The following KIF6 variants were observed in gnomAD, a reference collection of about 807,000 sequenced individuals.
KIF6 encodes the protein kinesin family member 6, also known as kinesin-like protein KIF6.
A neutral mutation model predicts 112.7 loss-of-function variants in KIF6; 106 were observed. The ratio of observed to expected loss-of-function variants is 0.94; its 90% CI spans 0.80 to 1.11. KIF6 has a LOEUF of 1.11. KIF6 is among the 50% of genes least tolerant of loss of function. The probability of loss-of-function intolerance (pLI) is 0.00; values close to 1 mark genes in which losing one functional copy is unlikely to be tolerated. For synonymous variants in KIF6, 339 were observed against 339.9 expected (o/e 1.00, Z 0.03); for missense variants, 929 against 964.0 (o/e 0.96, Z 0.48).
intron 21 of KIF6, among the ~76,000 whole-genome samples, chr6:39,344,600 C>G (rs1763567812): frequency 6.6e-6 from 1 of 152,164 alleles, no homozygotes; most frequent in African/African-American, 2.4e-5. Context: ...CACATGGCGG[C>G]TGTGCTTTCT....
At chr6:39,420,959 T>C (rs554033555) in intron 14 of KIF6, among the ~76,000 whole-genome samples, 2 of 152,178 alleles carry the variant, frequency 1.3e-5, no homozygotes, top group Non-Finnish European at 2.9e-5. Flanking sequence ...ATGAGCCAAC[T>C]TTGCGCTAGA....
At chr6:39,503,959 C>T (rs1776287995) in intron 13 of KIF6, among the ~76,000 whole-genome samples, 2 of 152,036 alleles carry the variant, frequency 1.3e-5, no homozygotes, top group Admixed American at 1.3e-4. Flanking sequence ...CCCACTGAAA[C>T]TATTCCAAAA....
At chr6:39,385,260 T>C (rs572174406) in intron 16 of KIF6, among the ~76,000 whole-genome samples, 6 of 152,378 alleles carry the variant, frequency 3.9e-5, no homozygotes, top group Non-Finnish European at 7.3e-5. Context: ...TTTTCATCAT[T>C]AACTATTTCT....
chr6:39,674,810 T>A (rs1210700170), intron 3 of KIF6, among the ~76,000 whole-genome samples: 3 of 149,016 alleles, frequency 2.0e-5, no homozygotes, highest in African/African-American at 7.4e-5. Flanking sequence ...AAAACTAACA[T>A]ACTAGATAAC....
chr6:39,487,602 C>A (rs1775196195), intron 13 of KIF6, among the ~76,000 whole-genome samples: 1 of 152,026 alleles, frequency 6.6e-6, no homozygotes, highest in South Asian at 2.1e-4. Flanking sequence ...TATTTTTGTT[C>A]CAGACGAGGT....
intron 9 of KIF6, chr6:39,583,379 T>C: frequency 2.1e-6 from 1 of 471,208 alleles, no homozygotes; most frequent in South Asian, 1.5e-5. Flanking sequence ...GCAGGAACAC[T>C]GTGTGATGCT....
At chr6:39,637,490 T>A (rs1784682365) in intron 4 of KIF6, among the ~76,000 whole-genome samples, 1 of 152,012 alleles carries the variant, frequency 6.6e-6, no homozygotes, top group African/African-American at 2.4e-5. Flanking sequence ...ATAAATGGCA[T>A]CAATTTTCTT....
At chr6:39,360,612 C>T (rs1765057784) in intron 17 of KIF6, 82 bp from the exon 18 acceptor site, 4 of 1,534,710 alleles carry the variant, frequency 2.6e-6, no homozygotes, top group Non-Finnish European at 3.6e-6. Context: ...GAATGGGGCC[C>T]GTGCCTCAGA....
At chr6:39,353,943 T>A (rs988394839) in intron 19 of KIF6, 5 of 568,018 alleles carry the variant, frequency 8.8e-6, no homozygotes, top group African/African-American at 3.8e-5. Context: ...GCCACTGCTC[T>A]GCAGCAGGAC....
intron 16 of KIF6, among the ~76,000 whole-genome samples, chr6:39,373,037 G>A (rs1485135222): frequency 2.6e-5 from 4 of 152,148 alleles, no homozygotes; most frequent in African/African-American, 9.7e-5. Context: ...CACAGATGGC[G>A]ATTTTCATCA....
At chr6:39,339,758 C>T (rs1236240561) in intron 22 of KIF6, among the ~76,000 whole-genome samples, 1 of 152,220 alleles carries the variant, frequency 6.6e-6, no homozygotes, top group Admixed American at 6.5e-5. Context: ...CTGTCCACGC[C>T]TGCCCCTGGC....
At chr6:39,716,559 C>G (rs1319614364) in intron 2 of KIF6, among the ~76,000 whole-genome samples, 1 of 152,132 alleles carries the variant, frequency 6.6e-6, no homozygotes, top group Non-Finnish European at 1.5e-5. Flanking sequence ...CTGAAAACCA[C>G]TGAAGAGCAC....
intron 1 of KIF6, among the ~76,000 whole-genome samples, chr6:39,722,468 G>A (rs546483953): frequency 6.6e-6 from 1 of 152,094 alleles, no homozygotes; most frequent in East Asian, 1.9e-4. Flanking sequence ...TTATGAAAAT[G>A]TTTTGAAATG....
intron 3 of KIF6, among the ~76,000 whole-genome samples, chr6:39,713,825 T>C (rs1789686380): frequency 1.3e-5 from 2 of 152,206 alleles, no homozygotes; most frequent in Admixed American, 6.5e-5. Context: ...ATGGTTTGCA[T>C]AGGATTCATA....
At chr6:39,516,254 A>C (rs562358218) in intron 13 of KIF6, among the ~76,000 whole-genome samples, 88 of 152,044 alleles carry the variant, frequency 5.8e-4, no homozygotes, top group African/African-American at 1.8e-3. Flanking sequence ...TTTATGAAAA[A>C]ATATCCAGAT....
At chr6:39,607,285 G>A (rs1202898447) in intron 6 of KIF6, among the ~76,000 whole-genome samples, 1 of 151,986 alleles carries the variant, frequency 6.6e-6, no homozygotes, top group Non-Finnish European at 1.5e-5. Context: ...CGATGTTTTA[G>A]AACAAATCTC....
At chr6:39,550,016 G>A (rs1418055667) in intron 10 of KIF6, among the ~76,000 whole-genome samples, 1 of 151,836 alleles carries the variant, frequency 6.6e-6, no homozygotes, top group Non-Finnish European at 1.5e-5. Context: ...GAAATTTTTG[G>A]CCAGCTAGTT....
intron 13 of KIF6, among the ~76,000 whole-genome samples, chr6:39,503,243 T>C (rs1399195335): frequency 6.6e-6 from 1 of 152,168 alleles, no homozygotes; most frequent in Non-Finnish European, 1.5e-5. Context: ...GAATAACTCT[T>C]GGGTAAATAA....
At chr6:39,631,725 G>GT (rs140507682) in intron 5 of KIF6, among the ~76,000 whole-genome samples, 9,782 of 145,778 alleles carry the variant, frequency 0.067, 1,050 homozygotes, top group African/African-American at 0.23. Flanking sequence ...TTGTTTTTTT[G>GT]TTTTTTTTGT....
Sources: allele counts gnomAD v4.1 joint callset (sites outside exome capture counted in the v4.1 genomes callset), GRCh38; gene constraint gnomAD v4.1.1; transcripts MANE v1.5; gene names NCBI Gene and HGNC (gene_info 2026-07-23, HGNC 2026-07-21).